The following FAM149A variants were observed in gnomAD, a reference collection of about 807,000 sequenced individuals.
The protein encoded by FAM149A is protein FAM149A.
A neutral mutation model predicts 78.2 loss-of-function variants in FAM149A; 71 were observed. The ratio of observed to expected loss-of-function variants is 0.91; its 90% CI spans 0.75 to 1.11. FAM149A has a LOEUF of 1.11. Among genes scored for constraint, FAM149A ranks in the 50% least tolerant of loss-of-function variants. FAM149A has a pLI of 0.00. For synonymous variants in FAM149A, 446 were observed against 410.5 expected (o/e 1.09, Z -1.04); for missense variants, 1,036 against 971.0 (o/e 1.07, Z -0.89).
intron 3 of FAM149A, 113 bp downstream of exon 3, chr4:186,149,817 A>G (rs1219286368): frequency 1.9e-6 from 1 of 527,674 alleles, no homozygotes; most frequent in Non-Finnish European, 2.8e-6. Context: ...TATTGCATAC[A>G]TACATGTACA....
At position 186,136,964 on chromosome 4, in the gene FAM149A, T is replaced by TTCTCTCTC. The variant is rs1386094089; in HGVS notation, c.567-12205_567-12198dup. On this transcript the variant is annotated intron_variant, in intron 1 of 13. Coordinates refer to ENST00000389354, the MANE Select transcript of FAM149A (RefSeq NM_001367768.3). ...TCTCTCTCTCTCTCTCTCTCTCTCT[T>TTCTCTCTC]TCTCTCTCTCTTTCTCTCTCTCTCT... Among the ~76,000 whole-genome samples, 63 of 97,096 alleles carry TTCTCTCTC rather than the reference T, an allele frequency of 6.5e-4. 2 individuals carry two copies. Among genetic ancestry groups the TTCTCTCTC allele is most frequent in the African/African-American group, 2.3e-3 (51 of 22,488 alleles). 63.7% of individuals were successfully genotyped at this position (97,096 alleles called of 152,430 possible).
In FAM149A at chr4:186,130,293, C is replaced by CTCTCTCTCTCTATA; in HGVS notation, c.567-18879_567-18878insCTCTCTCTCTATAT. On this transcript the variant is annotated intron_variant, in intron 1 of 13. Transcript: ENST00000389354. Reference sequence around the variant, plus strand: ...TCTCTCTCTCTCTCTCTCTCTCTCTCTATATATATATATATATATATAATC... The same window carrying CTCTCTCTCTCTATA: ...TCTCTCTCTCTCTCTCTCTCTCTCTCTCTCTCTCTCTATATATATATATATATATATATATAATC... The CTCTCTCTCTCTATA allele has an allele frequency of 4.8e-3, 224 of 46,546 alleles. 1 individual carries two copies. The highest frequency in any genetic ancestry group is 0.02 in the Admixed American group (80 of 4,016). 2.9% of individuals were successfully genotyped at this position (46,546 alleles called of 1,614,324 possible). A position where few individuals can be genotyped will look rare whatever the true frequency, so the allele number is the denominator to read the frequency against.
In FAM149A at chr4:186,144,722, G is replaced by GTGGGGC; in HGVS notation, c.567-4451_567-4450insTGGGGC. The GTGGGGC allele has an allele frequency of 4.7e-6, 3 of 637,576 alleles. No homozygotes were observed. The highest frequency in any genetic ancestry group is 5.9e-6 in the Non-Finnish European group (3 of 512,436). The allele number at this position is 637,576 out of a possible 1,614,324, so 39.5% of individuals were successfully genotyped here. A position where few individuals can be genotyped will look rare whatever the true frequency, so the allele number is the denominator to read the frequency against. On this transcript the variant is annotated intron_variant, in intron 1 of 13. Coordinates refer to ENST00000389354, the MANE Select transcript of FAM149A (RefSeq NM_001367768.3). This position sits in a 1 kb window ranked among gnomAD's most constrained non-coding sequence, Gnocchi z 4.2. ...AAGGCGCGCTTTCCCGGAGGTCGGC[G>GTGGGGC]CGGGGCCGGGGCCGGGGCCGGGGCC... is the stretch of plus-strand genomic sequence containing the variant.
chr4:186,112,905 G>A (rs2099311901), intron 1 of FAM149A, among the ~76,000 whole-genome samples: 1 of 109,458 alleles, frequency 9.1e-6, no homozygotes, highest in African/African-American at 3.3e-5. Context: ...AATGATGCTG[G>A]CCTCATAAAA....
intron 1 of FAM149A, chr4:186,107,344 C>T (rs1213418101): frequency 6.6e-6 from 1 of 152,200 alleles, no homozygotes. Context: ...CTGCATTTGG[C>T]ATTATTTACA....
intron 7 of FAM149A, 124 bp downstream of exon 7, chr4:186,156,314 A>C: frequency 1.4e-6 from 1 of 696,032 alleles, no homozygotes; most frequent in East Asian, 2.7e-5. Context: ...GGGTGTTCTG[A>C]CTTTACTCAT....
rs1317281142 is a variant in FAM149A at position 186,162,923 on chromosome 4, C to T, written c.1654C>T (p.Pro552Ser). The T allele has an allele frequency of 6.2e-7, 1 of 1,608,966 alleles. No individual in the cohort carries two copies. Among genetic ancestry groups the T allele is most frequent in the Non-Finnish European group, 8.5e-7 (1 of 1,176,932 alleles). The change falls in exon 9 of 14, where the codon CCT (proline) becomes TCT (serine). Residue 552 changes from proline to serine, a missense_variant. By Grantham distance (74) the Pro-to-Ser change is moderately conservative (BLOSUM62 -1). Around this residue, in one of 3 missense-constraint regions of FAM149A, gnomAD observed 716 missense variants for 711.8 expected, o/e 1.01. Coordinates refer to ENST00000389354, the MANE Select transcript of FAM149A (RefSeq NM_001367768.3). ...TCAAGCAAAACCGCTTCAGCGGAGACCTGCCTATTTTGCTGACAGAACGCA... is the reference window on the plus strand; with the variant it reads ...TCAAGCAAAACCGCTTCAGCGGAGATCTGCCTATTTTGCTGACAGAACGCA...
At chr4:186,135,823 GC>G (rs1344561482) in intron 1 of FAM149A, among the ~76,000 whole-genome samples, 5 of 152,184 alleles carry the variant, frequency 3.3e-5, no homozygotes, top group African/African-American at 1.2e-4. Context: ...CCACAAAAGT[GC>G]ACACTTGTTG....
At chr4:186,116,404 A>G (rs946837357) in intron 1 of FAM149A, 11 of 967,492 alleles carry the variant, frequency 1.1e-5, no homozygotes, top group Non-Finnish European at 1.4e-5. Context: ...CTATTTGGCC[A>G]TCTTGGCTCC....
Position 186,123,227 on chromosome 4 carries a change from A to C in FAM149A, c.566+17585A>C, listed in dbSNP as rs979520552. On this transcript the variant is annotated intron_variant, in intron 1 of 13. Transcript: ENST00000389354. ...AGTTTTCAAAGGATGTCCAAATCTT[A>C]TTTTTGCAAAATATGGCTGTTTGTA... 6.1e-6 allele frequency: 6 copies of C among 985,306 alleles called. No homozygotes were observed. In the African/African-American group the frequency reaches 8.7e-5, roughly 14 times the overall value. The allele number at this position is 985,306 out of a possible 1,614,324, so 61.0% of individuals were successfully genotyped here. A position where few individuals can be genotyped will look rare whatever the true frequency, so the allele number is the denominator to read the frequency against.
At chr4:186,139,276 A>G (rs7661671) in intron 1 of FAM149A, among the ~76,000 whole-genome samples, 148,627 of 152,222 alleles carry the variant, frequency 0.98, 72,592 homozygotes, top group East Asian at 1. Flanking sequence ...CAAATCGGCC[A>G]CTCCTCCATG....
chr4:186,123,727 G>A (rs1288906430), intron 1 of FAM149A: 1 of 538,186 alleles, frequency 1.9e-6, no homozygotes, highest in African/African-American at 2.0e-5. Flanking sequence ...CTCTGGTCTA[G>A]GATTCTTATG....
intron 4 of FAM149A, among the ~76,000 whole-genome samples, chr4:186,152,396 G>C (rs996111498): frequency 6.6e-6 from 1 of 152,158 alleles, no homozygotes; most frequent in Non-Finnish European, 1.5e-5. Context: ...GCGAGGGTGG[G>C]CAGAGATGAT....
Position 186,105,612 on chromosome 4 carries a change from C to G in FAM149A, c.536C>G (p.Ala179Gly). 2 of 1,053,084 alleles carry G rather than the reference C, an allele frequency of 1.9e-6. No individual in the cohort carries two copies. Among genetic ancestry groups the G allele is most frequent in the Middle Eastern group, 2.8e-4 (1 of 3,574 alleles). 65.2% of individuals were successfully genotyped at this position (1,053,084 alleles called of 1,614,324 possible). ...CTGCCTGACATCGGCGAGGAGGGGG[C>G]CTCGGACGGCGACTCCGGGGATGGC... The change falls in exon 1 of 14, where the codon GCC becomes GGC. Residue 179 changes from alanine to glycine, a missense_variant. By Grantham distance (60) the Ala-to-Gly change is moderately conservative. Coordinates refer to ENST00000389354, the MANE Select transcript of FAM149A (RefSeq NM_001367768.3).
chr4:186,158,680 G>A (rs2126504613), intron 8 of FAM149A: 1 of 1,093,974 alleles, frequency 9.1e-7, no homozygotes, highest in Non-Finnish European at 1.1e-6. Context: ...TGCACGCACT[G>A]CTGCTCAGCC....
intron 7 of FAM149A, 105 bp from the exon 8 acceptor site, chr4:186,157,460 C>T (rs973054789): frequency 7.7e-6 from 9 of 1,173,430 alleles, no homozygotes; most frequent in Admixed American, 6.0e-5. Flanking sequence ...GTAGCATGGG[C>T]TCGTGGTAGC....
chr4:186,124,188 T>C (rs1000727596), intron 1 of FAM149A: 2 of 985,292 alleles, frequency 2.0e-6, no homozygotes, highest in Middle Eastern at 5.2e-4. Context: ...AGGCACTATA[T>C]TCCTCCAGAG....
chr4:186,130,571 C>A lies in FAM149A; in HGVS notation c.567-18602C>A, dbSNP rs149519613. ...ATGGGGTTTTGCCATGTTGCCCAGG[C>A]TGGTCTCAAACTCCTGGACTCAAGC... On this transcript the variant is annotated intron_variant, in intron 1 of 13. Transcript: ENST00000389354. Among the ~76,000 whole-genome samples, 801 of 151,198 alleles carry A rather than the reference C, an allele frequency of 5.3e-3. 10 individuals carry two copies. The highest frequency in any genetic ancestry group is 0.019 in the African/African-American group (768 of 41,164).
chr4:186,130,314 T>TATATATATATATATATATATATATATAA (rs141900902), intron 1 of FAM149A, among the ~76,000 whole-genome samples: 13 of 116,450 alleles, frequency 1.1e-4, no homozygotes, highest in African/African-American at 4.2e-4. Flanking sequence ...TATATATATA[T>TATATATATATATATATATATATATATAA]AATCTATATC....
Sources: allele counts gnomAD v4.1 joint callset (sites outside exome capture counted in the v4.1 genomes callset), GRCh38; gene constraint gnomAD v4.1.1; regional missense constraint gnomAD v4.1.1; non-coding constraint Gnocchi (gnomAD v3.1); transcripts MANE v1.5; gene names NCBI Gene and HGNC (gene_info 2026-07-23, HGNC 2026-07-21).